Variants in NTN1 observed in about 807,000 individuals in gnomAD.
NTN1 encodes the protein netrin-1.
A neutral mutation model predicts 54.2 loss-of-function variants in NTN1; 11 were observed. That is an observed-to-expected ratio of 0.20 (90% CI 0.13 to 0.34). NTN1 has a LOEUF of 0.34. NTN1 is among the 10% of genes least tolerant of loss of function. The pLI is 1.00. For synonymous variants in NTN1, 371 were observed against 382.0 expected, an observed-to-expected ratio of 0.97 and a Z score of 0.33; for missense variants, 740 against 893.1, an observed-to-expected ratio of 0.83 and a Z score of 2.18.
At chr17:9,058,176 C>A (rs1177652167) in intron 2 of NTN1, among the ~76,000 whole-genome samples, 2 of 152,224 alleles carry the variant, frequency 1.3e-5, no homozygotes, top group South Asian at 2.1e-4. Context: ...AGGCATGAGC[C>A]ACTATGTTCG....
At chr17:9,073,060 C>T (rs551980240) in intron 2 of NTN1, among the ~76,000 whole-genome samples, 129 of 152,338 alleles carry the variant, frequency 8.5e-4, no homozygotes, top group Non-Finnish European at 9.7e-4. Flanking sequence ...GTGGGGGGAC[C>T]GTCTGGCTGG....
rs1429768930 is a variant in NTN1 at position 9,188,471 on chromosome 17, C to T, written c.1411+5502C>T. ...GTGCTAAATCTTATATATATTTTGCCACAATTAAAAAATAAAAACAAAAAA... is the reference window on the plus strand; with the variant it reads ...GTGCTAAATCTTATATATATTTTGCTACAATTAAAAAATAAAAACAAAAAA... On this transcript the variant is annotated intron_variant, in intron 5 of 6. Coordinates refer to ENST00000173229, the MANE Select transcript of NTN1 (RefSeq NM_004822.3). Among the ~76,000 whole-genome samples the T allele has an allele frequency of 5.3e-5, 4 of 76,154 alleles. No homozygotes were observed. In the East Asian group the frequency reaches 2.0e-3, roughly 38 times the overall value. The allele number at this position is 76,154 out of a possible 152,430, so 50.0% of individuals were successfully genotyped here.
chr17:9,014,239 G>A, the NTN1 span, among the ~76,000 whole-genome samples: 1 of 152,184 alleles, frequency 6.6e-6, no homozygotes, highest in Non-Finnish European at 1.5e-5. Context: ...GGGATTCCCT[G>A]AGTAATCCTC....
At chr17:9,123,112 G>A (rs908429945) in intron 2 of NTN1, among the ~76,000 whole-genome samples, 1 of 151,992 alleles carries the variant, frequency 6.6e-6, no homozygotes, top group Non-Finnish European at 1.5e-5. Flanking sequence ...GACTTTTGAC[G>A]CGTTTGTATC....
At chr17:9,094,534 A>G (rs1433302861) in intron 2 of NTN1, among the ~76,000 whole-genome samples, 1 of 152,186 alleles carries the variant, frequency 6.6e-6, no homozygotes, top group Non-Finnish European at 1.5e-5. Flanking sequence ...TACACATTTT[A>G]AAATCCTTTA....
chr17:9,038,889 C>T (rs993709687), intron 2 of NTN1, among the ~76,000 whole-genome samples: 3 of 151,814 alleles, frequency 2.0e-5, no homozygotes, highest in East Asian at 1.9e-4. Context: ...TGCCAGAACT[C>T]GAAGTAATAT....
chr17:9,141,901 A>C (rs538199043), intron 2 of NTN1, among the ~76,000 whole-genome samples: 2 of 152,216 alleles, frequency 1.3e-5, no homozygotes, highest in East Asian at 3.9e-4. Context: ...GTCTCTACTA[A>C]AACTACAAAA....
At chr17:9,011,613 C>A in the NTN1 span, among the ~76,000 whole-genome samples, 3 of 152,002 alleles carry the variant, frequency 2.0e-5, no homozygotes, top group Non-Finnish European at 4.4e-5. Context: ...TTTTTTGAGA[C>A]GGAGCCTGGC....
rs1243974407 is a variant in NTN1 at position 9,162,724 on chromosome 17, G to A, written c.1019-89G>A. 4.0e-6 allele frequency: 5 copies of A among 1,263,084 alleles called. No homozygotes were observed. In the Admixed American group the frequency reaches 9.9e-5, roughly 25 times the overall value. 78.2% of individuals were successfully genotyped at this position (1,263,084 alleles called of 1,614,324 possible). ...GGCTCTGCTAGTGGAGAAGGGAGGA[G>A]TTGAGGGGTGGGGTTTCTTTTGACG... On this transcript the variant is annotated intron_variant, in intron 2 of 6. Transcript: ENST00000173229.
intron 6 of NTN1, among the ~76,000 whole-genome samples, chr17:9,238,478 A>G (rs1906068784): frequency 6.6e-6 from 1 of 152,110 alleles, no homozygotes; most frequent in Non-Finnish European, 1.5e-5. Context: ...AGTACAGCAG[A>G]GGCCCCTCCA....
intron 2 of NTN1, among the ~76,000 whole-genome samples, chr17:9,147,605 A>G (rs1397309198): frequency 6.6e-6 from 1 of 152,150 alleles, no homozygotes; most frequent in Non-Finnish European, 1.5e-5. Context: ...AGGCTCTCTG[A>G]GTTGGAAGGG....
intron 2 of NTN1, among the ~76,000 whole-genome samples, chr17:9,130,702 G>T (rs1157644901): frequency 6.6e-6 from 1 of 152,014 alleles, no homozygotes; most frequent in African/African-American, 2.4e-5. Flanking sequence ...CTCACGTGCT[G>T]GTGTTCAGCC....
intron 3 of NTN1, 50 bp from the exon 4 acceptor site, chr17:9,179,757 C>T (rs2092412664): frequency 6.3e-6 from 10 of 1,585,410 alleles, no homozygotes; most frequent in Non-Finnish European, 8.6e-6. Context: ...TGCGGGGATG[C>T]ACTGGCCGCT....
chr17:9,153,980 C>T (rs1478177391), intron 2 of NTN1, among the ~76,000 whole-genome samples: 3 of 152,186 alleles, frequency 2.0e-5, no homozygotes, highest in Non-Finnish European at 4.4e-5. Flanking sequence ...ATGGTTGAAA[C>T]GAGGCATCCT....
At chr17:9,205,579 C>T (rs1019023961) in intron 5 of NTN1, among the ~76,000 whole-genome samples, 4 of 152,348 alleles carry the variant, frequency 2.6e-5, no homozygotes, top group Middle Eastern at 3.4e-3. Context: ...GCTGTGATTG[C>T]GCCTCTGCGC....
intron 4 of NTN1, among the ~76,000 whole-genome samples, chr17:9,181,093 C>T (rs2092417804): frequency 6.6e-6 from 1 of 152,174 alleles, no homozygotes; most frequent in Non-Finnish European, 1.5e-5. Context: ...GACACGAGAG[C>T]TGGTGTTTCT....
intron 2 of NTN1, among the ~76,000 whole-genome samples, chr17:9,114,458 A>C (rs2092203969): frequency 6.6e-6 from 1 of 151,612 alleles, no homozygotes; most frequent in African/African-American, 2.4e-5. Context: ...AAAAAAAAAA[A>C]AGATAAACAT....
intron 2 of NTN1, among the ~76,000 whole-genome samples, chr17:9,098,225 C>T (rs1434067414): frequency 4.6e-5 from 7 of 152,166 alleles, no homozygotes; most frequent in Non-Finnish European, 8.8e-5. Context: ...TTCGTGTGAC[C>T]CTGATGCGCC....
chr17:9,226,413 TGGGG>T (rs1905551752), intron 6 of NTN1, among the ~76,000 whole-genome samples: 1 of 144,492 alleles, frequency 6.9e-6, no homozygotes, highest in Non-Finnish European at 1.5e-5. Context: ...GTGGGGGCCG[TGGGG>T]AGGCGGTCTC....
Sources: allele counts gnomAD v4.1 joint callset (sites outside exome capture counted in the v4.1 genomes callset), GRCh38; gene constraint gnomAD v4.1.1; transcripts MANE v1.5; gene names NCBI Gene and HGNC (gene_info 2026-07-23, HGNC 2026-07-21).